LHFPL3: variants seen among roughly 807,000 people sequenced by gnomAD.
LHFPL3 encodes LHFPL tetraspan subfamily member 3.
LHFPL3 carries 5 observed loss-of-function variants against 19.3 expected under a neutral mutation model. That is an observed-to-expected ratio of 0.26 (90% CI 0.14 to 0.54). The LOEUF is 0.54. Among genes scored for constraint, LHFPL3 ranks in the 20% least tolerant of loss-of-function variants. The pLI is 0.94. For missense variants in LHFPL3, 249 were observed against 307.4 expected, an observed-to-expected ratio of 0.81 and a Z score of 1.42; for synonymous variants, 133 against 126.2, an observed-to-expected ratio of 1.05 and a Z score of -0.36.
At chr7:104,541,807 A>G (rs748722994) in intron 1 of LHFPL3, among the ~76,000 whole-genome samples, 1 of 152,058 alleles carries the variant, frequency 6.6e-6, no homozygotes, top group Non-Finnish European at 1.5e-5. Context: ...TCCGGATGGT[A>G]TTTGAAACCC....
chr7:104,456,730 A>T (rs949778520), intron 1 of LHFPL3, among the ~76,000 whole-genome samples: 1 of 152,256 alleles, frequency 6.6e-6, no homozygotes, highest in African/African-American at 2.4e-5. Flanking sequence ...AGCTTTTTGA[A>T]CGCAAGCACT....
chr7:104,730,144 T>C (rs1348289339), intron 1 of LHFPL3, among the ~76,000 whole-genome samples: 1 of 152,222 alleles, frequency 6.6e-6, no homozygotes, highest in Admixed American at 6.5e-5. Context: ...TAGTCTATCA[T>C]TGTTGCACAT....
chr7:104,639,734 A>G (rs6979949), intron 1 of LHFPL3, among the ~76,000 whole-genome samples: 5,017 of 152,314 alleles, frequency 0.033, 269 homozygotes, highest in African/African-American at 0.11. Flanking sequence ...GAAACCAACA[A>G]CCACATATAT....
At chr7:104,652,371 C>T (rs1299678042) in intron 1 of LHFPL3, among the ~76,000 whole-genome samples, 1 of 152,172 alleles carries the variant, frequency 6.6e-6, no homozygotes. Context: ...CTGATGGCAG[C>T]ACCATGGACA....
chr7:104,610,003 A>G (rs1791181786), intron 1 of LHFPL3, among the ~76,000 whole-genome samples: 1 of 152,224 alleles, frequency 6.6e-6, no homozygotes, highest in Admixed American at 6.5e-5. Context: ...GATTAAACAG[A>G]CATCAACGTG....
At chr7:104,720,629 T>G (rs945882570) in intron 1 of LHFPL3, among the ~76,000 whole-genome samples, 16 of 152,140 alleles carry the variant, frequency 1.1e-4, no homozygotes, top group Admixed American at 3.3e-4. Flanking sequence ...AGAAAAATTT[T>G]GCAATCTACT....
At chr7:104,782,271 T>A (rs941098382) in intron 2 of LHFPL3, among the ~76,000 whole-genome samples, 1 of 152,196 alleles carries the variant, frequency 6.6e-6, no homozygotes, top group Non-Finnish European at 1.5e-5. Context: ...ACAATGCAGT[T>A]TAGCAATTGA....
At chr7:104,808,520 A>C (rs537495360) in intron 2 of LHFPL3, among the ~76,000 whole-genome samples, 1 of 152,108 alleles carries the variant, frequency 6.6e-6, no homozygotes, top group South Asian at 2.1e-4. Context: ...GGGCTTACTG[A>C]CTCCAAAAGC....
intron 2 of LHFPL3, among the ~76,000 whole-genome samples, chr7:104,769,783 A>G (rs976816444): frequency 6.6e-6 from 1 of 152,226 alleles, no homozygotes; most frequent in African/African-American, 2.4e-5. Context: ...GAACCAACCC[A>G]AATGTCCATC....
rs915342714 is a variant in LHFPL3, at chr7:104,430,613, C to T, written c.445+101389C>T. On this transcript the variant is annotated intron_variant, in intron 1 of 2. Coordinates refer to ENST00000424859, the MANE Select transcript of LHFPL3 (RefSeq NM_199000.3). Reference sequence around the variant, plus strand: ...CCTCCTAAGTAGCTGGGACTACAGGCGCCCGCCACAATGCCTGGCTAATCT... The same window carrying T: ...CCTCCTAAGTAGCTGGGACTACAGGTGCCCGCCACAATGCCTGGCTAATCT... Among the ~76,000 whole-genome samples, 12 of 148,884 alleles carry T rather than the reference C, an allele frequency of 8.1e-5. No individual in the cohort carries two copies. In the South Asian group the frequency reaches 1.9e-3, roughly 24 times the overall value.
In LHFPL3 at chr7:104,524,939, A is replaced by T. The variant is rs552445384; in HGVS notation, c.445+195715A>T. Among the ~76,000 whole-genome samples, 44 of 152,174 alleles carry T rather than the reference A, an allele frequency of 2.9e-4. 2 individuals are homozygous for T. The highest frequency in any genetic ancestry group is 1.5e-4 in the Non-Finnish European group (10 of 68,022). On this transcript the variant is annotated intron_variant, in intron 1 of 2. Coordinates refer to ENST00000424859, the MANE Select transcript of LHFPL3 (RefSeq NM_199000.3). ...CATTGCTTCAAACCACTGACAAATT[A>T]TATACACCTAGTATTTCTGTTGTAA...
At chr7:104,554,167 G>A (rs183118224) in intron 1 of LHFPL3, among the ~76,000 whole-genome samples, 2 of 152,186 alleles carry the variant, frequency 1.3e-5, no homozygotes, top group African/African-American at 4.8e-5. Flanking sequence ...TGGTGGCAGG[G>A]CTGGTTCCTT....
At chr7:104,545,605 C>T (rs1397860426) in intron 1 of LHFPL3, among the ~76,000 whole-genome samples, 1 of 152,194 alleles carries the variant, frequency 6.6e-6, no homozygotes, top group Non-Finnish European at 1.5e-5. Context: ...TTCTGATTGG[C>T]TCCAGTAGAG....
At chr7:104,609,743 T>C (rs1297989656) in intron 1 of LHFPL3, among the ~76,000 whole-genome samples, 1 of 152,236 alleles carries the variant, frequency 6.6e-6, no homozygotes, top group East Asian at 1.9e-4. Flanking sequence ...AACAAAACTG[T>C]CTAATTAGTT....
intron 1 of LHFPL3, among the ~76,000 whole-genome samples, chr7:104,590,077 GA>G (rs1790676942): frequency 6.6e-6 from 1 of 151,960 alleles, no homozygotes; most frequent in African/African-American, 2.4e-5. Flanking sequence ...TGGATTCATT[GA>G]TTTTTTTGAA....
chr7:104,535,229 C>T lies in LHFPL3; in HGVS notation c.446-201446C>T, dbSNP rs1353837220. Among the ~76,000 whole-genome samples the T allele has an allele frequency of 4.6e-5, 7 of 152,296 alleles. No homozygotes were observed. The East Asian group carries it at 7.7e-4, about 17-fold the overall frequency. ...AAATGGAACACTTGGTATTATTTCA[C>T]GTCTCTGGAAAAGGATTGCTCACAT... On this transcript the variant is annotated intron_variant, in intron 1 of 2. Transcript: ENST00000424859.
intron 2 of LHFPL3, among the ~76,000 whole-genome samples, chr7:104,812,459 C>A (rs1024164988): frequency 6.6e-6 from 1 of 152,044 alleles, no homozygotes; most frequent in Non-Finnish European, 1.5e-5. Context: ...ATCTCTACAC[C>A]AGCCTAGGCA....
chr7:104,708,694 G>A (rs1433857417), intron 1 of LHFPL3, among the ~76,000 whole-genome samples: 1 of 152,012 alleles, frequency 6.6e-6, no homozygotes, highest in Non-Finnish European at 1.5e-5. Flanking sequence ...TTCTCTGACT[G>A]TCAGTCCTCT....
At chr7:104,784,243 G>A (rs930932818) in intron 2 of LHFPL3, among the ~76,000 whole-genome samples, 3 of 152,134 alleles carry the variant, frequency 2.0e-5, no homozygotes, top group Admixed American at 1.3e-4. Context: ...GGAACTTGGG[G>A]AAATGAGCTC....
Sources: allele counts gnomAD v4.1 joint callset (sites outside exome capture counted in the v4.1 genomes callset), GRCh38; gene constraint gnomAD v4.1.1; transcripts MANE v1.5; gene names NCBI Gene and HGNC (gene_info 2026-07-23, HGNC 2026-07-21).